Variants in MBOAT2 observed in about 807,000 individuals in gnomAD.
The protein encoded by MBOAT2 is membrane bound glycerophospholipid O-acyltransferase 2, also known as membrane-bound glycerophospholipid O-acyltransferase 2.
In MBOAT2, 28 loss-of-function variants were observed where a neutral mutation model predicts 63.4. That is an observed-to-expected ratio of 0.44 (90% confidence interval 0.33 to 0.61). The LOEUF (loss-of-function observed/expected upper bound fraction) is 0.61, where lower values mean the gene tolerates loss of function less well. Ranked by LOEUF, MBOAT2 falls within the 20% of genes least tolerant of loss-of-function variation. The pLI, the probability that MBOAT2 is intolerant of heterozygous loss-of-function variation, is 0.03. For synonymous variants in MBOAT2, 211 were observed against 215.6 expected (o/e 0.98, Z 0.19); for missense variants, 470 against 605.8 (o/e 0.78, Z 2.35).
At chr2:8,861,581 T>A (rs973340870) in intron 11 of MBOAT2, among the ~76,000 whole-genome samples, 1 of 152,250 alleles carries the variant, frequency 6.6e-6, no homozygotes, top group African/African-American at 2.4e-5. Context: ...CTAAGAATTA[T>A]GGGTTTTGCT....
At chr2:8,993,178 G>A (rs1056680665) in intron 1 of MBOAT2, among the ~76,000 whole-genome samples, 1 of 152,192 alleles carries the variant, frequency 6.6e-6, no homozygotes, top group Admixed American at 6.5e-5. Flanking sequence ...GCTGAAAATA[G>A]TGGTACCTCT....
chr2:8,867,029 T>C (rs1661947211), intron 9 of MBOAT2, among the ~76,000 whole-genome samples: 1 of 152,190 alleles, frequency 6.6e-6, no homozygotes, highest in Non-Finnish European at 1.5e-5. Flanking sequence ...GTTGGAATGA[T>C]CCTTTTCGCA....
chr2:8,907,048 A>G (rs2095156695), intron 4 of MBOAT2, among the ~76,000 whole-genome samples: 2 of 152,190 alleles, frequency 1.3e-5, no homozygotes, highest in African/African-American at 4.8e-5. Flanking sequence ...AGTATCGTTA[A>G]CCTTAAGTTG....
intron 4 of MBOAT2, among the ~76,000 whole-genome samples, chr2:8,890,569 G>A (rs1204642151): frequency 6.6e-6 from 1 of 152,178 alleles, no homozygotes; most frequent in Non-Finnish European, 1.5e-5. Flanking sequence ...ACCCAGGCTG[G>A]AGTGCAGTGG....
chr2:8,970,585 C>G (rs1477588150), intron 1 of MBOAT2, among the ~76,000 whole-genome samples: 1 of 152,238 alleles, frequency 6.6e-6, no homozygotes, highest in Non-Finnish European at 1.5e-5. Context: ...AATCCAGCAG[C>G]TGGTTTTTTG....
intron 3 of MBOAT2, among the ~76,000 whole-genome samples, chr2:8,932,522 CTT>C (rs1667393669): frequency 6.6e-6 from 1 of 152,100 alleles, no homozygotes. Flanking sequence ...GTAAAAATAT[CTT>C]TGTTTCTCCA....
At chr2:8,981,035 T>TA (rs1473275801) in intron 1 of MBOAT2, among the ~76,000 whole-genome samples, 1 of 152,056 alleles carries the variant, frequency 6.6e-6, no homozygotes, top group African/African-American at 2.4e-5. Flanking sequence ...TGCACACTGA[T>TA]ATGCAAAGAT....
chr2:8,955,714 G>C (rs1313636363), intron 2 of MBOAT2, among the ~76,000 whole-genome samples: 1 of 152,242 alleles, frequency 6.6e-6, no homozygotes, highest in Admixed American at 6.5e-5. Context: ...TCTACTGTGG[G>C]TAAAAGGCTG....
At chr2:8,930,154 T>A (rs1172060428) in intron 3 of MBOAT2, among the ~76,000 whole-genome samples, 4 of 152,208 alleles carry the variant, frequency 2.6e-5, no homozygotes, top group African/African-American at 9.6e-5. Context: ...AGATAAAACT[T>A]AAGTTACAAT....
At chr2:8,998,485 C>A (rs1462397636) in intron 1 of MBOAT2, among the ~76,000 whole-genome samples, 1 of 152,072 alleles carries the variant, frequency 6.6e-6, no homozygotes, top group Non-Finnish European at 1.5e-5. Context: ...GTTTCTTCAT[C>A]TATAAAATGG....
At chr2:9,000,205 A>G (rs2103387668) in intron 1 of MBOAT2, among the ~76,000 whole-genome samples, 1 of 152,308 alleles carries the variant, frequency 6.6e-6, no homozygotes, top group African/African-American at 2.4e-5. Flanking sequence ...GCACATACCA[A>G]ATTAACATAC....
At chr2:8,904,316 AT>A (rs59252049) in intron 4 of MBOAT2, among the ~76,000 whole-genome samples, 33,400 of 142,226 alleles carry the variant, frequency 0.23, 5,548 homozygotes, top group African/African-American at 0.48. Context: ...TTTATTTTTT[AT>A]TTTTTTTTTT....
chr2:8,906,100 AGG>A (rs35014881), intron 4 of MBOAT2, among the ~76,000 whole-genome samples: 13,862 of 152,216 alleles, frequency 0.091, 1,102 homozygotes, highest in African/African-American at 0.22. Flanking sequence ...CTGGGGCTAC[AGG>A]TATGCGCCAC....
At chr2:8,930,059 C>A (rs974634728) in intron 3 of MBOAT2, among the ~76,000 whole-genome samples, 13 of 152,192 alleles carry the variant, frequency 8.5e-5, no homozygotes, top group Non-Finnish European at 2.9e-5. Context: ...TTATCTATGT[C>A]CCAGTTCCAA....
chr2:8,917,606 AG>A (rs1666278206), intron 3 of MBOAT2, among the ~76,000 whole-genome samples: 1 of 152,210 alleles, frequency 6.6e-6, no homozygotes, highest in Non-Finnish European at 1.5e-5. Context: ...GGGAACAGAA[AG>A]GAACTGGCGC....
chr2:8,865,962 G>A (rs1171691568), intron 9 of MBOAT2, among the ~76,000 whole-genome samples: 5 of 152,104 alleles, frequency 3.3e-5, no homozygotes, highest in Admixed American at 1.3e-4. Context: ...GCTTGAACCC[G>A]GGAGGCAGAG....
intron 2 of MBOAT2, among the ~76,000 whole-genome samples, chr2:8,951,336 C>G (rs1668820532): frequency 6.6e-6 from 1 of 152,028 alleles, no homozygotes; most frequent in African/African-American, 2.4e-5. Context: ...TCCCGAGTAG[C>G]TGGGATTACA....
intron 7 of MBOAT2, among the ~76,000 whole-genome samples, chr2:8,876,027 C>G (rs1199312397): frequency 6.6e-6 from 1 of 152,180 alleles, no homozygotes; most frequent in East Asian, 1.9e-4. Context: ...GCTCTAAGCC[C>G]TACATTCACA....
At chr2:8,975,849 T>C (rs76031024) in intron 1 of MBOAT2, among the ~76,000 whole-genome samples, 3,617 of 135,960 alleles carry the variant, frequency 0.027, 156 homozygotes, top group African/African-American at 0.095. Context: ...GGCAGAGAAA[T>C]AGCATCATGA....
Sources: gnomAD v4.1 joint callset for allele counts (sites outside exome capture counted in the v4.1 genomes callset) on GRCh38, gnomAD v4.1.1 for gene constraint, MANE v1.5 for transcripts, NCBI Gene and HGNC (gene_info 2026-07-23, HGNC 2026-07-21) for gene names.